KAZN: variants seen among roughly 807,000 people sequenced by gnomAD.
The protein encoded by KAZN is kazrin, periplakin interacting protein.
Under a neutral mutation model 87.4 loss-of-function variants are expected in KAZN, and 40 were observed. That is an observed-to-expected ratio of 0.46 (90% CI 0.36 to 0.60). The LOEUF (loss-of-function observed/expected upper bound fraction) is 0.60, where lower values mean the gene tolerates loss of function less well. Ranked by LOEUF, KAZN falls within the 20% of genes least tolerant of loss-of-function variation. The pLI is 0.00. For synonymous variants in KAZN, 466 were observed against 458.3 expected (o/e 1.02, Z -0.22); for missense variants, 898 against 1,073.9 (o/e 0.84, Z 2.29).
intron 2 of KAZN, among the ~76,000 whole-genome samples, chr1:14,257,983 A>AG (rs1650678475): frequency 1.3e-5 from 2 of 149,456 alleles, no homozygotes; most frequent in Non-Finnish European, 1.5e-5. Context: ...GAGAAAAAAA[A>AG]AAAAGAAAAG....
At chr1:14,410,899 C>T (rs1194314419) in intron 2 of KAZN, among the ~76,000 whole-genome samples, 1 of 152,164 alleles carries the variant, frequency 6.6e-6, no homozygotes, top group Admixed American at 6.5e-5. Flanking sequence ...TTGATATTAA[C>T]CCCAGGACAC....
chr1:14,155,353 A>T (rs1645569882), intron 1 of KAZN, among the ~76,000 whole-genome samples: 2 of 152,050 alleles, frequency 1.3e-5, no homozygotes, highest in South Asian at 4.2e-4. Flanking sequence ...ATGATCCTTT[A>T]ATTTTGTGGT....
At chr1:14,183,219 C>G (rs757511604) in intron 2 of KAZN, among the ~76,000 whole-genome samples, 1 of 152,148 alleles carries the variant, frequency 6.6e-6, no homozygotes, top group Non-Finnish European at 1.5e-5. Context: ...TGAAATTCCA[C>G]CTCTGAGGAT....
At chr1:14,297,244 C>T (rs1217622245) in intron 2 of KAZN, among the ~76,000 whole-genome samples, 1 of 152,140 alleles carries the variant, frequency 6.6e-6, no homozygotes, top group Non-Finnish European at 1.5e-5. Context: ...AAATCATTGC[C>T]TTGGTTAAAA....
intron 1 of KAZN, among the ~76,000 whole-genome samples, chr1:14,017,128 G>T (rs1450911307): frequency 6.6e-6 from 1 of 152,184 alleles, no homozygotes; most frequent in African/African-American, 2.4e-5. Context: ...TAGGTAGCAT[G>T]TTCACAAAAA....
At position 14,735,296 on chromosome 1, in the gene KAZN, G is replaced by A. The variant is rs1643868267; in HGVS notation, c.226+136073G>A. On this transcript the variant is annotated intron_variant, in intron 1 of 14. Coordinates refer to ENST00000376030, the MANE Select transcript of KAZN (RefSeq NM_201628.3). This position sits in a 1 kb window ranked among gnomAD's most constrained non-coding sequence, Gnocchi z 4.3. ...AGGATGGTCTCGATCTCCTGACCTC[G>A]TGATCCGCCCGCCTCGGCCTCCCAA... is the stretch of plus-strand genomic sequence containing the variant. Among the ~76,000 whole-genome samples the A allele has an allele frequency of 2.6e-5, 4 of 152,112 alleles. No individual in the cohort carries two copies. The South Asian group carries it at 6.2e-4, about 24-fold the overall frequency.
intron 1 of KAZN, among the ~76,000 whole-genome samples, chr1:14,767,927 G>A (rs190638465): frequency 1.4e-3 from 219 of 152,280 alleles, no homozygotes; most frequent in Non-Finnish European, 2.7e-3. Context: ...GAATATTACC[G>A]AGGTGCCTGC....
chr1:14,750,481 A>T (rs1644384566), intron 1 of KAZN, among the ~76,000 whole-genome samples: 1 of 152,150 alleles, frequency 6.6e-6, no homozygotes, highest in East Asian at 1.9e-4. Context: ...AAATATGCCT[A>T]GGAGTGCTCA....
At chr1:15,109,645 TTGTA>T (rs1641419225) in intron 13 of KAZN, among the ~76,000 whole-genome samples, 2 of 63,492 alleles carry the variant, frequency 3.1e-5, no homozygotes, top group Admixed American at 2.1e-4. Context: ...GTATGTGTGT[TTGTA>T]TGTTTGTGTA....
At chr1:13,939,860 G>A (rs1640866692) in intron 1 of KAZN, among the ~76,000 whole-genome samples, 1 of 152,108 alleles carries the variant, frequency 6.6e-6, no homozygotes, top group Non-Finnish European at 1.5e-5. Context: ...GAGAGTGGGA[G>A]CAAGAGGGTG....
intron 2 of KAZN, among the ~76,000 whole-genome samples, chr1:14,577,052 G>T (rs1393398901): frequency 6.6e-6 from 1 of 152,226 alleles, no homozygotes; most frequent in African/African-American, 2.4e-5. Context: ...TGATTAAAAT[G>T]TGAGAGGAAT....
At chr1:14,731,120 C>T (rs1398711560) in intron 1 of KAZN, among the ~76,000 whole-genome samples, 1 of 152,182 alleles carries the variant, frequency 6.6e-6, no homozygotes, top group Non-Finnish European at 1.5e-5. Context: ...TGGAGAACTG[C>T]ATCATTAGCA....
intron 1 of KAZN, among the ~76,000 whole-genome samples, chr1:13,982,640 T>C (rs1638791066): frequency 6.6e-6 from 1 of 152,198 alleles, no homozygotes; most frequent in Non-Finnish European, 1.5e-5. Flanking sequence ...TGGTCTGTTT[T>C]GACAGGGCGC....
intron 1 of KAZN, among the ~76,000 whole-genome samples, chr1:14,800,906 G>A (rs933977771): frequency 1.9e-4 from 29 of 152,034 alleles, no homozygotes; most frequent in Non-Finnish European, 1.8e-4. Flanking sequence ...GTGACTGCTC[G>A]TGGGTAGGGG....
At chr1:14,945,013 A>G (rs1184164071) in intron 1 of KAZN, among the ~76,000 whole-genome samples, 1 of 152,182 alleles carries the variant, frequency 6.6e-6, no homozygotes, top group Non-Finnish European at 1.5e-5. Flanking sequence ...AAAGTACCGC[A>G]GGGGACAGCA....
chr1:14,031,040 A>G (rs901858878), intron 1 of KAZN, among the ~76,000 whole-genome samples: 2 of 152,186 alleles, frequency 1.3e-5, no homozygotes, highest in African/African-American at 4.8e-5. Context: ...TTGAAAATAG[A>G]TGTAATACCG....
intron 2 of KAZN, among the ~76,000 whole-genome samples, chr1:14,199,138 T>A (rs1646588170): frequency 6.6e-6 from 1 of 152,182 alleles, no homozygotes; most frequent in Non-Finnish European, 1.5e-5. Context: ...ACATTGCAAG[T>A]CCCTGCTTAA....
At chr1:14,559,404 A>G (rs1423578896) in intron 2 of KAZN, among the ~76,000 whole-genome samples, 6 of 152,198 alleles carry the variant, frequency 3.9e-5, no homozygotes, top group Non-Finnish European at 5.9e-5. Context: ...CTCACAGTCT[A>G]TGCTTTAGGA....
chr1:14,514,571 A>G (rs1170111475), intron 2 of KAZN, among the ~76,000 whole-genome samples: 1 of 124,502 alleles, frequency 8.0e-6, no homozygotes, highest in African/African-American at 3.0e-5. Context: ...TATTTTCTAT[A>G]TATTTTATAT....
Sources: gnomAD v4.1 joint callset for allele counts (sites outside exome capture counted in the v4.1 genomes callset) on GRCh38, gnomAD v4.1.1 for gene constraint, Gnocchi (gnomAD v3.1) non-coding constraint, MANE v1.5 for transcripts, NCBI Gene and HGNC (gene_info 2026-07-23, HGNC 2026-07-21) for gene names.